The following SH2D4A variants were observed in gnomAD, a reference collection of about 807,000 sequenced individuals.
SH2D4A encodes the protein SH2 domain containing 4A, also known as SH2 domain-containing protein 4A.
Under a neutral mutation model 64.7 loss-of-function variants are expected in SH2D4A, and 70 were observed. That is an observed-to-expected ratio of 1.08 (90% CI 0.89 to 1.32). SH2D4A has a LOEUF of 1.32. SH2D4A is among the 40% of genes most tolerant of loss of function. The pLI is 0.00. For synonymous variants in SH2D4A, 268 were observed against 200.7 expected, an observed-to-expected ratio of 1.34 and a Z score of -2.83; for missense variants, 706 against 540.1, an observed-to-expected ratio of 1.31 and a Z score of -3.04.
At chr8:19,354,739 C>G (rs1450399010) in intron 4 of SH2D4A, among the ~76,000 whole-genome samples, 1 of 152,180 alleles carries the variant, frequency 6.6e-6, no homozygotes, top group Non-Finnish European at 1.5e-5. Context: ...GTTCAAAGCA[C>G]TGTACCCATA....
intron 7 of SH2D4A, among the ~76,000 whole-genome samples, chr8:19,372,489 A>G (rs1280043790): frequency 1.3e-5 from 2 of 152,078 alleles, no homozygotes; most frequent in African/African-American, 4.8e-5. Context: ...GTGGGAGGGG[A>G]TGGAGCTGAT....
Position 19,392,739 on chromosome 8 carries a change from T to G in SH2D4A, c.1049-579T>G, listed in dbSNP as rs375319168. ...TATAAGTAGAAATATATTCCTTTTT[T>G]TTTTGTTTTGTTTTTTGAGATGGAG... On this transcript the variant is annotated intron_variant, in intron 8 of 9. Coordinates refer to ENST00000265807, the MANE Select transcript of SH2D4A (RefSeq NM_022071.4). Among the ~76,000 whole-genome samples, 158 of 152,184 alleles carry G rather than the reference T, an allele frequency of 1.0e-3. 2 individuals are homozygous for G. Among genetic ancestry groups the G allele is most frequent in the African/African-American group, 2.7e-3 (112 of 41,504 alleles).
chr8:19,331,563 T>C (rs188461601), intron 2 of SH2D4A, among the ~76,000 whole-genome samples: 1 of 152,328 alleles, frequency 6.6e-6, no homozygotes, highest in African/African-American at 2.4e-5. Flanking sequence ...TGGAGGCCAA[T>C]TGTAAACAAG....
rs568527653 is a variant in SH2D4A at position 19,324,226 on chromosome 8, T to TG, written c.181+4502dup. Among the ~76,000 whole-genome samples the TG allele has an allele frequency of 4.4e-3, 677 of 152,270 alleles. 4 individuals carry two copies. Among genetic ancestry groups the TG allele is most frequent in the South Asian group, 0.017 (80 of 4,828 alleles). On this transcript the variant is annotated intron_variant, in intron 2 of 9. Transcript: ENST00000265807. ...AGCGTGTTTCCCAGCACTTGTTTCA[T>TG]GGGGTCTATGTCAAGTTGATGGAAA... is the stretch of plus-strand genomic sequence containing the variant.
intron 8 of SH2D4A, among the ~76,000 whole-genome samples, chr8:19,379,848 C>A (rs556957011): frequency 6.6e-6 from 1 of 152,216 alleles, no homozygotes; most frequent in Non-Finnish European, 1.5e-5. Context: ...GTAATCTTCC[C>A]ACCTCAGCCT....
Position 19,334,680 on chromosome 8 carries a change from C to T in SH2D4A, c.342-6C>T, listed in dbSNP as rs780932306. 2.5e-6 allele frequency: 4 copies of T among 1,587,108 alleles called. No homozygotes were observed. The highest frequency in any genetic ancestry group is 2.2e-5 in the East Asian group (1 of 44,484). On this transcript the variant is annotated splice_polypyrimidine_tract_variant and splice_region_variant and intron_variant, in intron 3 of 9. Transcript: ENST00000265807. ...TTTTGAGAATTTCACTTTTGCCTCT[C>T]TTCAGAAAAACTCACTCTGAAGAAT...
chr8:19,331,434 C>T (rs951183789), intron 2 of SH2D4A, among the ~76,000 whole-genome samples: 8 of 152,188 alleles, frequency 5.3e-5, no homozygotes, highest in African/African-American at 1.9e-4. Context: ...CCTGGGTAGG[C>T]CTGACAGACT....
chr8:19,378,645 A>C (rs2053235993), intron 8 of SH2D4A, among the ~76,000 whole-genome samples: 1 of 152,162 alleles, frequency 6.6e-6, no homozygotes, highest in South Asian at 2.1e-4. Context: ...CATGTTGGCC[A>C]GGCTGGTCTC....
At chr8:19,392,659 G>A (rs139814248) in intron 8 of SH2D4A, among the ~76,000 whole-genome samples, 118 of 152,114 alleles carry the variant, frequency 7.8e-4, no homozygotes, top group Non-Finnish European at 1.2e-3. Flanking sequence ...CCATCAAGGC[G>A]TTCTGTTAGA....
intron 4 of SH2D4A, among the ~76,000 whole-genome samples, chr8:19,342,777 C>A (rs2052549067): frequency 6.6e-6 from 1 of 152,186 alleles, no homozygotes; most frequent in East Asian, 1.9e-4. Flanking sequence ...TTCCCCTCCA[C>A]TAGCAGTGAT....
intron 1 of SH2D4A, among the ~76,000 whole-genome samples, chr8:19,318,912 G>A (rs1004077142): frequency 6.6e-6 from 1 of 151,718 alleles, no homozygotes; most frequent in South Asian, 2.1e-4. Context: ...GTTACTCTGT[G>A]ACATATCAAA....
intron 5 of SH2D4A, 65 bp from the exon 6 acceptor site, chr8:19,361,138 T>G: frequency 2.2e-6 from 2 of 911,680 alleles, no homozygotes; most frequent in African/African-American, 1.7e-5. Context: ...CTGCTGGATT[T>G]GCTCACCAAG....
At chr8:19,345,735 A>C (rs1158373550) in intron 4 of SH2D4A, among the ~76,000 whole-genome samples, 4 of 152,240 alleles carry the variant, frequency 2.6e-5, no homozygotes, top group Non-Finnish European at 5.9e-5. Flanking sequence ...TTTAACCAGA[A>C]CGCCAAACCA....
chr8:19,326,789 C>T (rs1434763629), intron 2 of SH2D4A, among the ~76,000 whole-genome samples: 3 of 152,080 alleles, frequency 2.0e-5, no homozygotes, highest in South Asian at 2.1e-4. Context: ...GAGCTGACTC[C>T]TCAAAGGTGA....
chr8:19,379,853 C>T (rs576899666), intron 8 of SH2D4A, among the ~76,000 whole-genome samples: 133 of 152,298 alleles, frequency 8.7e-4, no homozygotes, highest in Middle Eastern at 3.4e-3. Context: ...CTTCCCACCT[C>T]AGCCTCCCGA....
At chr8:19,344,707 G>A (rs756955740) in intron 4 of SH2D4A, among the ~76,000 whole-genome samples, 3 of 152,134 alleles carry the variant, frequency 2.0e-5, no homozygotes, top group Non-Finnish European at 4.4e-5. Flanking sequence ...GTAGGCTGTC[G>A]GGTCAGTAGT....
At chr8:19,380,342 GT>G (rs2053271099) in intron 8 of SH2D4A, among the ~76,000 whole-genome samples, 1 of 152,124 alleles carries the variant, frequency 6.6e-6, no homozygotes, top group Non-Finnish European at 1.5e-5. Flanking sequence ...TCTGTTGAGA[GT>G]GTCTTTTGAT....
chr8:19,369,121 ATG>A (rs1003254739), intron 7 of SH2D4A, among the ~76,000 whole-genome samples: 4 of 151,912 alleles, frequency 2.6e-5, no homozygotes, highest in African/African-American at 9.7e-5. Context: ...TGTTAATGTG[ATG>A]TGTCATGTTC....
chr8:19,340,831 C>G (rs745779424), intron 4 of SH2D4A, among the ~76,000 whole-genome samples: 1 of 151,910 alleles, frequency 6.6e-6, no homozygotes, highest in African/African-American at 2.4e-5. Context: ...CTCCTGGGCT[C>G]GAGTGATCCT....
Sources: allele counts gnomAD v4.1 joint callset (sites outside exome capture counted in the v4.1 genomes callset), GRCh38; gene constraint gnomAD v4.1.1; transcripts MANE v1.5; gene names NCBI Gene and HGNC (gene_info 2026-07-23, HGNC 2026-07-21).